Variants in CHN1 observed in about 807,000 individuals in gnomAD.
CHN1 encodes N-chimaerin.
In CHN1, 37 loss-of-function variants were observed where a neutral mutation model predicts 59.5. That is an observed-to-expected ratio of 0.62 (90% CI 0.48 to 0.82). The LOEUF is 0.82. CHN1 is among the 40% of genes least tolerant of loss of function. The probability of loss-of-function intolerance (pLI) is 0.00; values close to 1 mark genes in which losing one functional copy is unlikely to be tolerated. For missense variants in CHN1, 469 were observed against 571.0 expected, an observed-to-expected ratio of 0.82 and a Z score of 1.82; for synonymous variants, 206 against 200.4, an observed-to-expected ratio of 1.03 and a Z score of -0.24.
chr2:175,002,398 G>C (rs1380257214), intron 1 of CHN1, among the ~76,000 whole-genome samples: 1 of 152,116 alleles, frequency 6.6e-6, no homozygotes, highest in Non-Finnish European at 1.5e-5. Flanking sequence ...GTGAGGATGA[G>C]AGATAAAACA....
At chr2:174,957,135 CA>C (rs1690232966) in intron 1 of CHN1, among the ~76,000 whole-genome samples, 1 of 152,196 alleles carries the variant, frequency 6.6e-6, no homozygotes, top group Admixed American at 6.5e-5. Flanking sequence ...GCATACTCTC[CA>C]AAAGATGTAT....
At chr2:174,846,264 C>T (rs2105434846) in intron 7 of CHN1, 1 of 1,519,852 alleles carries the variant, frequency 6.6e-7, no homozygotes, top group Non-Finnish European at 8.8e-7. Flanking sequence ...AATTCAAGTA[C>T]AGTTGATAAA....
chr2:174,799,971 A>G lies in CHN1; in HGVS notation c.*145T>C. 1 of 795,160 alleles carries G rather than the reference A, an allele frequency of 1.3e-6. No individual in the cohort carries two copies. Among genetic ancestry groups the G allele is most frequent in the Non-Finnish European group, 2.1e-6 (1 of 473,056 alleles). The allele number at this position is 795,160 out of a possible 1,614,324, so 49.3% of individuals were successfully genotyped here. Reference sequence around the variant, plus strand: ...TTACAAGACAGCTGAGCGGTGCTACAAAAACAACAGAAAGTTCCTTCACTT... The same window carrying G: ...TTACAAGACAGCTGAGCGGTGCTACGAAAACAACAGAAAGTTCCTTCACTT... On this transcript the variant is annotated 3_prime_UTR_variant, in exon 13 of 13. Transcript: ENST00000409900.
intron 6 of CHN1, among the ~76,000 whole-genome samples, chr2:174,849,014 A>G (rs1686638236): frequency 6.6e-6 from 1 of 152,196 alleles, no homozygotes; most frequent in African/African-American, 2.4e-5. Flanking sequence ...AGTTTAACCA[A>G]TTCTCAGTAG....
intron 1 of CHN1, among the ~76,000 whole-genome samples, chr2:174,964,544 T>C (rs1690535385): frequency 6.6e-6 from 1 of 152,204 alleles, no homozygotes; most frequent in African/African-American, 2.4e-5. Context: ...GAACTGCATG[T>C]ACTACCAGAG....
intron 6 of CHN1, chr2:174,875,708 A>C: frequency 3.2e-5 from 17 of 538,474 alleles, no homozygotes; most frequent in Non-Finnish European, 3.6e-5. Context: ...TTAGCTATTA[A>C]GGGCCCATTA....
chr2:174,952,106 C>T (rs1690041447), intron 2 of CHN1, 58 bp downstream of exon 2: 5 of 1,033,816 alleles, frequency 4.8e-6, no homozygotes, highest in South Asian at 2.5e-5. Flanking sequence ...TCTAATAATC[C>T]CATATTTTTA....
intron 1 of CHN1, among the ~76,000 whole-genome samples, chr2:174,963,544 G>A (rs1690489017): frequency 6.6e-6 from 1 of 152,218 alleles, no homozygotes; most frequent in South Asian, 2.1e-4. Flanking sequence ...CATGTTTGAG[G>A]AACTGCAAAC....
At chr2:174,918,215 C>T (rs546148782) in intron 4 of CHN1, among the ~76,000 whole-genome samples, 13 of 152,126 alleles carry the variant, frequency 8.5e-5, no homozygotes, top group African/African-American at 2.2e-4. Flanking sequence ...TGTGTATATA[C>T]GTATCTATAT....
intron 6 of CHN1, among the ~76,000 whole-genome samples, chr2:174,868,449 T>C (rs1198541400): frequency 1.3e-5 from 2 of 152,170 alleles, no homozygotes; most frequent in South Asian, 2.1e-4. Flanking sequence ...GAGCCCCTAA[T>C]GGCTGCTTCC....
At chr2:174,957,691 A>G (rs971566430) in intron 1 of CHN1, among the ~76,000 whole-genome samples, 2 of 152,106 alleles carry the variant, frequency 1.3e-5, no homozygotes, top group South Asian at 4.1e-4. Context: ...TCCAAACCAT[A>G]AGAGGTGGTG....
At chr2:174,972,083 C>A (rs1387089007) in intron 1 of CHN1, among the ~76,000 whole-genome samples, 1 of 152,178 alleles carries the variant, frequency 6.6e-6, no homozygotes, top group Non-Finnish European at 1.5e-5. Flanking sequence ...GCTTCAAGCC[C>A]AGCTTCCAGG....
At chr2:174,984,114 A>AAATTTTGCTGCATTTCCATAAGTTAAG (rs1691256115) in intron 1 of CHN1, among the ~76,000 whole-genome samples, 1 of 151,982 alleles carries the variant, frequency 6.6e-6, no homozygotes, top group South Asian at 2.1e-4. Context: ...AAAAATAACT[A>AAATTTTGCTGCATTTCCATAAGTTAAG]GAAATAGGCA....
In CHN1 at chr2:174,824,440, A is replaced by G; in HGVS notation, c.706T>C (p.Cys236Arg). 6.2e-7 allele frequency: 1 copy of G among 1,603,794 alleles called. No individual in the cohort carries two copies. Residue 236 changes from cysteine to arginine, a missense_variant, in exon 8 of 13, where the codon TGT becomes CGT. Cys to Arg is a radical substitution (Grantham distance 180). Coordinates refer to ENST00000409900, the MANE Select transcript of CHN1 (RefSeq NM_001822.7). ...ACAAGACAAGAGCTCTTACCTGCAC[A>G]TTTCACTCCCTGAGCAATGAGACCC... is the stretch of plus-strand genomic sequence containing the variant. ...MWGLIAQGVK[C>R]ADCGLNVHKQ... is the part of the protein sequence containing the mutation.
intron 3 of CHN1, among the ~76,000 whole-genome samples, chr2:174,935,311 T>G (rs1310988702): frequency 2.0e-5 from 3 of 152,206 alleles, no homozygotes; most frequent in Admixed American, 2.0e-4. Flanking sequence ...CCTGAGGGCC[T>G]GGCAGATGGT....
At chr2:174,995,862 T>C (rs1471570089) in intron 1 of CHN1, among the ~76,000 whole-genome samples, 1 of 152,196 alleles carries the variant, frequency 6.6e-6, no homozygotes, top group Non-Finnish European at 1.5e-5. Flanking sequence ...TTTAGCAGTA[T>C]CACAGTGCTT....
chr2:174,842,623 G>T (rs2105429121), intron 7 of CHN1, among the ~76,000 whole-genome samples: 1 of 152,254 alleles, frequency 6.6e-6, no homozygotes, highest in South Asian at 2.1e-4. Context: ...AGGGGGCTTG[G>T]ATTTGCCCAC....
chr2:174,803,978 G>A (rs866091628), intron 11 of CHN1, among the ~76,000 whole-genome samples: 8 of 152,136 alleles, frequency 5.3e-5, no homozygotes, highest in African/African-American at 9.7e-5. Context: ...TAGTGTTGTC[G>A]GGTGAGCAAA....
At chr2:174,848,229 C>T (rs1483543662) in intron 6 of CHN1, among the ~76,000 whole-genome samples, 1 of 151,890 alleles carries the variant, frequency 6.6e-6, no homozygotes, top group African/African-American at 2.4e-5. Flanking sequence ...TTTTTTTATT[C>T]AGAGAGCTTG....
Sources: gnomAD v4.1 joint callset for allele counts (sites outside exome capture counted in the v4.1 genomes callset) on GRCh38, gnomAD v4.1.1 for gene constraint, MANE v1.5 for transcripts, NCBI Gene and HGNC (gene_info 2026-07-23, HGNC 2026-07-21) for gene names.